The following PDE8B variants were observed in gnomAD, a reference collection of about 807,000 sequenced individuals.
PDE8B encodes phosphodiesterase 8B.
PDE8B carries 26 observed loss-of-function variants against 101.3 expected under a neutral mutation model. The observed-to-expected ratio is 0.26, with a 90% CI of 0.19 to 0.36. PDE8B has a LOEUF of 0.36. Among genes scored for constraint, PDE8B ranks in the 10% least tolerant of loss-of-function variants. The probability of loss-of-function intolerance (pLI) is 1.00; values close to 1 mark genes in which losing one functional copy is unlikely to be tolerated. For synonymous variants in PDE8B, 424 were observed against 429.3 expected (o/e 0.99, Z 0.15); for missense variants, 810 against 1,163.1 (o/e 0.70, Z 4.42).
chr5:77,198,278 C>A, the PDE8B span, among the ~76,000 whole-genome samples: 139 of 152,260 alleles, frequency 9.1e-4, no homozygotes, highest in Non-Finnish European at 1.3e-3. Context: ...GCTGGTAGAA[C>A]TTGGATAGCT....
chr5:77,198,883 T>C, the PDE8B span, among the ~76,000 whole-genome samples: 1 of 152,190 alleles, frequency 6.6e-6, no homozygotes, highest in Non-Finnish European at 1.5e-5. Flanking sequence ...ACTATGGATA[T>C]TCCAAATAAA....
chr5:77,116,267 T>C, the PDE8B span, among the ~76,000 whole-genome samples: 30 of 134,000 alleles, frequency 2.2e-4, no homozygotes, highest in African/African-American at 7.7e-4. Context: ...AGTCTCACTC[T>C]TTCACCCAGG....
At chr5:77,291,893 T>C in intron 1 of PDE8B, 6 of 1,144,180 alleles carry the variant, frequency 5.2e-6, no homozygotes, top group African/African-American at 1.5e-5. Flanking sequence ...CTTGAATAAA[T>C]GCATTATTAT....
chr5:77,180,529 C>A, the PDE8B span: 1 of 977,484 alleles, frequency 1.0e-6, no homozygotes. Flanking sequence ...TCGGCCGCCC[C>A]CTCACACCTG....
intron 1 of PDE8B, among the ~76,000 whole-genome samples, chr5:77,306,566 G>T (rs1445845481): frequency 6.6e-6 from 1 of 152,198 alleles, no homozygotes; most frequent in Non-Finnish European, 1.5e-5. Context: ...CTTGAAGGAT[G>T]CGTTAGCTGC....
chr5:77,290,373 G>A, intron 1 of PDE8B: 1 of 1,399,792 alleles, frequency 7.1e-7, no homozygotes, highest in South Asian at 1.2e-5. Context: ...AGGCCGGGGA[G>A]AGGTTATTAT....
At chr5:77,374,411 GTTTT>G (rs891594263) in intron 10 of PDE8B, among the ~76,000 whole-genome samples, 1 of 150,228 alleles carries the variant, frequency 6.7e-6, no homozygotes, top group Non-Finnish European at 1.5e-5. Flanking sequence ...TTTAACATCT[GTTTT>G]TTTTGTTTTA....
At chr5:77,158,042 A>G in the PDE8B span, among the ~76,000 whole-genome samples, 2 of 152,204 alleles carry the variant, frequency 1.3e-5, no homozygotes, top group Non-Finnish European at 2.9e-5. Context: ...GGCTACCTTT[A>G]TCCTCATTTT....
Position 77,312,051 on chromosome 5 carries a change from C to A in PDE8B, c.397C>A (p.Gln133Lys). The change falls in exon 2 of 22, where the codon CAG becomes AAG. Residue 133 changes from glutamine to lysine, a missense_variant and splice_region_variant. Gln to Lys is a moderately conservative substitution (Grantham distance 53, BLOSUM62 1). Around this residue, in one of 4 missense-constraint regions of PDE8B, gnomAD observed 251 missense variants for 378.8 expected, o/e 0.66. Coordinates refer to ENST00000264917, the MANE Select transcript of PDE8B (RefSeq NM_003719.5). ...CATGAGACTGACGCAGGACCCTATT[C>A]AGGTACGCCTCCTTTACTCAGCCCT... Reference protein sequence around the residue: ...GPMRLTQDPIQVLLIFAKEDS... With the variant: ...GPMRLTQDPIKVLLIFAKEDS... 6.2e-7 allele frequency: 1 copy of A among 1,602,488 alleles called. No individual in the cohort carries two copies. Among genetic ancestry groups the A allele is most frequent in the Non-Finnish European group, 8.5e-7 (1 of 1,169,836 alleles).
intron 10 of PDE8B, among the ~76,000 whole-genome samples, chr5:77,379,967 T>C (rs908673415): frequency 2.6e-5 from 4 of 152,202 alleles, no homozygotes; most frequent in Non-Finnish European, 5.9e-5. Context: ...GTCACAAACA[T>C]GAAAGCATTC....
chr5:77,195,190 AAC>A, the PDE8B span, among the ~76,000 whole-genome samples: 9 of 152,362 alleles, frequency 5.9e-5, no homozygotes, highest in South Asian at 2.1e-4. Flanking sequence ...GAGAAGAGGA[AAC>A]ACATGCCCTC....
the PDE8B span, among the ~76,000 whole-genome samples, chr5:77,094,697 C>T: frequency 6.6e-6 from 1 of 152,158 alleles, no homozygotes; most frequent in Admixed American, 6.6e-5. Flanking sequence ...GTACAAGTAG[C>T]ATGGTGTCAG....
chr5:77,271,873 A>G (rs542712456), intron 1 of PDE8B, among the ~76,000 whole-genome samples: 1 of 152,334 alleles, frequency 6.6e-6, no homozygotes, highest in African/African-American at 2.4e-5. Flanking sequence ...TTCAGGTGGT[A>G]CATGTTGGGG....
intron 10 of PDE8B, among the ~76,000 whole-genome samples, chr5:77,383,426 T>C (rs1787912184): frequency 6.6e-6 from 1 of 152,234 alleles, no homozygotes; most frequent in African/African-American, 2.4e-5. Context: ...GTGCAGAAGC[T>C]CTTTAATTAG....
At chr5:77,159,629 T>C in the PDE8B span, among the ~76,000 whole-genome samples, 2 of 152,204 alleles carry the variant, frequency 1.3e-5, no homozygotes, top group Non-Finnish European at 2.9e-5. Context: ...GCATATATCA[T>C]ATTAGTTCTG....
At chr5:77,379,428 A>G (rs1186336373) in intron 10 of PDE8B, among the ~76,000 whole-genome samples, 1 of 152,204 alleles carries the variant, frequency 6.6e-6, no homozygotes, top group African/African-American at 2.4e-5. Context: ...ATTTTAAATT[A>G]CCATTAAGAT....
intron 1 of PDE8B, among the ~76,000 whole-genome samples, chr5:77,305,849 T>C (rs1476195985): frequency 1.3e-5 from 2 of 152,144 alleles, no homozygotes; most frequent in Non-Finnish European, 2.9e-5. Flanking sequence ...ACAGCTGGTG[T>C]CTTTTCAGTG....
At chr5:77,345,698 T>C (rs1780013543) in intron 7 of PDE8B, among the ~76,000 whole-genome samples, 1 of 152,238 alleles carries the variant, frequency 6.6e-6, no homozygotes, top group South Asian at 2.1e-4. Flanking sequence ...ATTATAATTG[T>C]TGGAAAGTAA....
At chr5:77,380,561 AT>A (rs1025771284) in intron 10 of PDE8B, among the ~76,000 whole-genome samples, 2 of 152,214 alleles carry the variant, frequency 1.3e-5, no homozygotes, top group African/African-American at 4.8e-5. Flanking sequence ...AGTAAAATAT[AT>A]AATGGCCAAA....
Sources: allele counts gnomAD v4.1 joint callset (sites outside exome capture counted in the v4.1 genomes callset), GRCh38; gene constraint gnomAD v4.1.1; regional missense constraint gnomAD v4.1.1; transcripts MANE v1.5; gene names NCBI Gene and HGNC (gene_info 2026-07-23, HGNC 2026-07-21).